CASP8: variants seen among roughly 807,000 people sequenced by gnomAD.
The protein encoded by CASP8 is caspase-8.
CASP8 carries 24 observed loss-of-function variants against 46.3 expected under a neutral mutation model. The observed-to-expected ratio is 0.52, with a 90% CI of 0.38 to 0.73. The LOEUF is 0.73. Among genes scored for constraint, CASP8 ranks in the 30% least tolerant of loss-of-function variants. The pLI is 0.00. For missense variants in CASP8, 460 were observed against 559.0 expected (o/e 0.82, Z 1.79); for synonymous variants, 188 against 200.4 (o/e 0.94, Z 0.52).
chr2:201,248,466 A>G (rs959276347), intron 2 of CASP8, among the ~76,000 whole-genome samples: 1 of 152,230 alleles, frequency 6.6e-6, no homozygotes, highest in Non-Finnish European at 1.5e-5. Flanking sequence ...TGAGACTTTC[A>G]GTTAATACTC....
chr2:201,256,211 T>C (rs1254865717), upstream of CASP8, among the ~76,000 whole-genome samples: 3 of 152,226 alleles, frequency 2.0e-5, no homozygotes, highest in African/African-American at 4.8e-5. Context: ...GTGGGTCAGA[T>C]TGAGATTCAT....
intron 2 of CASP8, among the ~76,000 whole-genome samples, chr2:201,252,059 A>AT (rs1946811379): frequency 6.6e-6 from 1 of 152,168 alleles, no homozygotes; most frequent in African/African-American, 2.4e-5. Context: ...CAATTTTGGC[A>AT]AATATGTAGT....
chr2:201,249,082 G>T (rs1364125663), intron 2 of CASP8, among the ~76,000 whole-genome samples: 2 of 152,110 alleles, frequency 1.3e-5, no homozygotes. Flanking sequence ...AGTAGAGGTG[G>T]GGGTCTTGCC....
At chr2:201,252,787 G>A (rs16836965) in intron 2 of CASP8, among the ~76,000 whole-genome samples, 1 of 152,054 alleles carries the variant, frequency 6.6e-6, no homozygotes, top group South Asian at 2.1e-4. Context: ...CTGAGAATAC[G>A]TGGTGTTATC....
chr2:201,234,902 G>A lies in CASP8; in HGVS notation c.-27+790G>A, dbSNP rs34220898. ...ATTATGAATTTACTCTGCATGCCAG[G>A]AATTCTAAGAATTTGCATGTATTAA... On this transcript the variant is annotated intron_variant, in intron 2 of 6. Transcript: ENST00000264274. 5.8e-3 allele frequency among the ~76,000 whole-genome samples: 879 copies of A among 152,202 alleles called. 9 individuals are homozygous for A. The highest frequency in any genetic ancestry group is 0.019 in the African/African-American group (809 of 41,512).
At position 201,266,702 on chromosome 2, in the gene CASP8, G is replaced by A. The variant is rs1292914752; in HGVS notation, c.216G>A (p.Leu72=). The change falls in exon 2 of 9, where the codon CTG becomes CTA. Residue 72 remains leucine (L), a synonymous_variant. Coordinates refer to ENST00000673742, the MANE Select transcript of CASP8 (RefSeq NM_001372051.1). This position sits in a 1 kb window ranked among gnomAD's most constrained non-coding sequence, Gnocchi z 5.7. ...AGCTGCTCTTCCGAATTAATAGACT[G>A]GATTTGCTGATTACCTACCTAAACA... The part of the protein sequence containing the change: ...LKELLFRINR[L]DLLITYLNTR... 3 of 1,614,020 alleles carry A rather than the reference G, an allele frequency of 1.9e-6. No individual in the cohort carries two copies. Among genetic ancestry groups the A allele is most frequent in the African/African-American group, 2.7e-5 (2 of 74,914 alleles).
chr2:201,274,417 C>T (rs1948491429), intron 5 of CASP8, among the ~76,000 whole-genome samples: 1 of 152,190 alleles, frequency 6.6e-6, no homozygotes, highest in Non-Finnish European at 1.5e-5. Flanking sequence ...GCCCTGCTTG[C>T]AGAATCTCTC....
upstream of CASP8, among the ~76,000 whole-genome samples, chr2:201,255,712 A>G (rs1367499672): frequency 2.0e-5 from 3 of 152,158 alleles, 1 homozygote; most frequent in Admixed American, 6.5e-5. Context: ...GCCATCTTAG[A>G]GATGTTGTGA....
intron 7 of CASP8, among the ~76,000 whole-genome samples, chr2:201,282,518 C>T (rs1383658320): frequency 8.9e-6 from 1 of 112,362 alleles, no homozygotes; most frequent in Non-Finnish European, 2.1e-5. Context: ...GGCGGCCCGG[C>T]AGAAGCGCCC....
intron 3 of CASP8, among the ~76,000 whole-genome samples, chr2:201,271,932 G>A (rs1948281359): frequency 6.6e-6 from 1 of 152,162 alleles, no homozygotes; most frequent in African/African-American, 2.4e-5. Flanking sequence ...TGCAGTCCCC[G>A]AAACAACCTG....
At chr2:201,283,827 C>A (rs1949345244) in intron 7 of CASP8, among the ~76,000 whole-genome samples, 1 of 54,240 alleles carries the variant, frequency 1.8e-5, no homozygotes, top group South Asian at 1.3e-3. Context: ...TGACCCCCCC[C>A]ACCTCCCTCC....
At chr2:201,260,187 TAA>T (rs1947289293), upstream of CASP8, among the ~76,000 whole-genome samples, 1 of 152,084 alleles carries the variant, frequency 6.6e-6, no homozygotes, top group Admixed American at 6.5e-5. Context: ...ATGAAAAAAT[TAA>T]AGTCTTAATG....
At chr2:201,286,379 A>G (rs1576394603) in intron 8 of CASP8, 80 bp from the exon 9 acceptor site, 2 of 1,521,942 alleles carry the variant, frequency 1.3e-6, no homozygotes, top group Admixed American at 1.7e-5. Context: ...CTACAGAACT[A>G]TCTCTGAGCA....
chr2:201,233,932 C>CG (rs945263656), intron 1 of CASP8: 1 of 152,256 alleles, frequency 6.6e-6, no homozygotes, highest in African/African-American at 2.4e-5. Context: ...CTGCGGGCTG[C>CG]GGGTCAAGAC....
intron 7 of CASP8, among the ~76,000 whole-genome samples, chr2:201,282,126 G>T (rs537416515): frequency 3.2e-4 from 19 of 59,934 alleles, no homozygotes; most frequent in African/African-American, 9.7e-4. Context: ...AGATTAGGGA[G>T]TGGTGATGAC....
chr2:201,245,721 TGCTGCAG>T (rs1350261161), intron 2 of CASP8, among the ~76,000 whole-genome samples: 1 of 152,254 alleles, frequency 6.6e-6, no homozygotes, highest in Non-Finnish European at 1.5e-5. Flanking sequence ...TTGACCCTGC[TGCTGCAG>T]GCCAGGTCAG....
chr2:201,243,470 T>G (rs1946384623), intron 2 of CASP8, among the ~76,000 whole-genome samples: 1 of 152,218 alleles, frequency 6.6e-6, no homozygotes, highest in Non-Finnish European at 1.5e-5. Flanking sequence ...ATAATTTACT[T>G]TTAAGAAACT....
In CASP8 at chr2:201,272,753, A is replaced by G. The variant is rs1294183966; in HGVS notation, c.527A>G (p.Asn176Ser). Residue 176 changes from asparagine (N) to serine (S), a missense_variant, in exon 4 of 9, where the codon AAC becomes AGC. Physicochemically the swap from Asn to Ser is conservative, Grantham distance 46. Transcript: ENST00000673742. The surrounding 1 kb of genome is among the most constrained non-coding windows in gnomAD (Gnocchi z 4.4). The part of the protein sequence containing the change: ...QINKSLLKII[N>S]DYEEFSKERS... ...AACAAGAGCCTGCTGAAGATAATCA[A>G]CGACTATGAAGAATTCAGCAAAGGT... The G allele has an allele frequency of 6.2e-7, 1 of 1,614,068 alleles. No individual in the cohort carries two copies. Among genetic ancestry groups the G allele is most frequent in the African/African-American group, 1.3e-5 (1 of 74,918 alleles).
At chr2:201,281,142 T>C (rs1358911368) in intron 7 of CASP8, among the ~76,000 whole-genome samples, 2 of 151,936 alleles carry the variant, frequency 1.3e-5, no homozygotes, top group East Asian at 1.9e-4. Flanking sequence ...GGCGAAACCC[T>C]GTCTCTACTA....
Sources: allele counts gnomAD v4.1 joint callset (sites outside exome capture counted in the v4.1 genomes callset), GRCh38; gene constraint gnomAD v4.1.1; non-coding constraint Gnocchi (gnomAD v3.1); transcripts MANE v1.5; gene names NCBI Gene and HGNC (gene_info 2026-07-23, HGNC 2026-07-21).